RFTN2: variants seen among roughly 807,000 people sequenced by gnomAD.
RFTN2 encodes raftlin-2.
RFTN2 carries 34 observed loss-of-function variants against 52.7 expected under a neutral mutation model. The ratio of observed to expected loss-of-function variants is 0.64; its 90% CI spans 0.49 to 0.86. The LOEUF is 0.86. Among genes scored for constraint, RFTN2 ranks in the 40% least tolerant of loss-of-function variants. The probability of loss-of-function intolerance (pLI) is 0.00; values close to 1 mark genes in which losing one functional copy is unlikely to be tolerated. For synonymous variants in RFTN2, 203 were observed against 217.7 expected (o/e 0.93, Z 0.59); for missense variants, 536 against 600.1 (o/e 0.89, Z 1.12).
At chr2:197,599,763 A>G (rs1559344380) in intron 7 of RFTN2, among the ~76,000 whole-genome samples, 1 of 152,208 alleles carries the variant, frequency 6.6e-6, no homozygotes, top group Non-Finnish European at 1.5e-5. Context: ...TACTTCAGTG[A>G]GGCAAGAGCA....
intron 1 of RFTN2, among the ~76,000 whole-genome samples, chr2:197,664,093 G>T (rs2089017128): frequency 6.6e-6 from 1 of 151,916 alleles, no homozygotes; most frequent in African/African-American, 2.4e-5. Context: ...TTATTTATTT[G>T]TATAGTTTAC....
chr2:197,573,839 C>T (rs2087367019), intron 8 of RFTN2, among the ~76,000 whole-genome samples: 1 of 152,204 alleles, frequency 6.6e-6, no homozygotes, highest in Non-Finnish European at 1.5e-5. Context: ...ATGGGGCCAA[C>T]GTAGAGCTCA....
rs569787384 is a variant in RFTN2, at chr2:197,570,248, T to C, written c.*1760A>G. On this transcript the variant is annotated 3_prime_UTR_variant, in exon 9 of 9. Transcript: ENST00000295049. ...AAAACAAAAACCATTTCTGCAAATA[T>C]TGTTGACAGCTATTGCTATAGAATA... is the stretch of plus-strand genomic sequence containing the variant. 3.9e-5 allele frequency: 6 copies of C among 152,198 alleles called. No individual in the cohort carries two copies. Among genetic ancestry groups the C allele is most frequent in the Admixed American group, 1.3e-4 (2 of 15,266 alleles). The allele number at this position is 152,198 out of a possible 1,614,324, so 9.4% of individuals were successfully genotyped here. A position where few individuals can be genotyped will look rare whatever the true frequency, so the allele number is the denominator to read the frequency against.
intron 5 of RFTN2, among the ~76,000 whole-genome samples, chr2:197,618,186 C>A (rs892898584): frequency 2.0e-5 from 3 of 151,726 alleles, no homozygotes; most frequent in African/African-American, 7.2e-5. Context: ...AACCTCCCTG[C>A]CTGATTCTCC....
intron 8 of RFTN2, among the ~76,000 whole-genome samples, chr2:197,591,206 G>C (rs2087707396): frequency 6.6e-6 from 1 of 152,182 alleles, no homozygotes; most frequent in Non-Finnish European, 1.5e-5. Flanking sequence ...TAGACACAGA[G>C]TGCTGATTGG....
chr2:197,629,673 T>TACACACACACACAC (rs1319088128), intron 5 of RFTN2, among the ~76,000 whole-genome samples: 1 of 73,920 alleles, frequency 1.4e-5, no homozygotes, highest in African/African-American at 7.5e-5. Context: ...TTTTAATTTT[T>TACACACACACACAC]ATACACACAC....
At chr2:197,623,285 A>G (rs1444361241) in intron 5 of RFTN2, among the ~76,000 whole-genome samples, 2 of 152,182 alleles carry the variant, frequency 1.3e-5, no homozygotes, top group African/African-American at 2.4e-5. Context: ...GTTGACTCCA[A>G]TTTTCATGGA....
At chr2:197,640,306 G>C (rs956766028) in intron 3 of RFTN2, among the ~76,000 whole-genome samples, 3 of 152,158 alleles carry the variant, frequency 2.0e-5, no homozygotes, top group African/African-American at 7.3e-5. Context: ...AAGGAAGCCT[G>C]GGCAATGGCG....
At chr2:197,585,357 T>A (rs1183232383) in intron 8 of RFTN2, among the ~76,000 whole-genome samples, 1 of 152,206 alleles carries the variant, frequency 6.6e-6, no homozygotes, top group African/African-American at 2.4e-5. Context: ...TGCCCTGCCC[T>A]TGTTTACACT....
chr2:197,661,231 TA>T (rs1220944130), intron 1 of RFTN2, among the ~76,000 whole-genome samples: 2 of 90,046 alleles, frequency 2.2e-5, no homozygotes, highest in African/African-American at 4.8e-5. Context: ...TAATTTAATT[TA>T]ATTTTTTTTT....
chr2:197,646,345 T>C, intron 2 of RFTN2, 138 bp downstream of exon 2: 1 of 610,438 alleles, frequency 1.6e-6, no homozygotes, highest in South Asian at 2.9e-5. Flanking sequence ...TCAATCCAGG[T>C]TCCACTGCTG....
chr2:197,666,507 T>C lies in RFTN2; in HGVS notation c.139+8813A>G, dbSNP rs367997710. Among the ~76,000 whole-genome samples the C allele has an allele frequency of 1.3e-3, 198 of 152,356 alleles. 6 individuals carry two copies. In the South Asian group the frequency reaches 0.04, roughly 31 times the overall value. On this transcript the variant is annotated intron_variant, in intron 1 of 8. Transcript: ENST00000295049. Reference sequence around the variant, plus strand: ...AAAGTTTCTGCTGAGAAATCTGCTGTTATTCTGATGGAGGTTCTTTTATAG... The same window carrying C: ...AAAGTTTCTGCTGAGAAATCTGCTGCTATTCTGATGGAGGTTCTTTTATAG...
At chr2:197,618,243 G>C (rs1337644416) in intron 5 of RFTN2, among the ~76,000 whole-genome samples, 1 of 152,058 alleles carries the variant, frequency 6.6e-6, no homozygotes, top group African/African-American at 2.4e-5. Context: ...GCGCCGCCAC[G>C]CCTGACTGGT....
intron 1 of RFTN2, among the ~76,000 whole-genome samples, chr2:197,661,276 G>A (rs1431913794): frequency 6.6e-6 from 1 of 151,364 alleles, no homozygotes; most frequent in Non-Finnish European, 1.5e-5. Context: ...TGTTGCCGAG[G>A]CTGGAGTGCA....
intron 7 of RFTN2, among the ~76,000 whole-genome samples, chr2:197,605,500 C>A (rs1036255469): frequency 6.6e-6 from 1 of 152,096 alleles, no homozygotes; most frequent in African/African-American, 2.4e-5. Context: ...CAGGCGTGAG[C>A]CACCGCGCCT....
chr2:197,666,329 G>A (rs977147870), intron 1 of RFTN2, among the ~76,000 whole-genome samples: 9 of 152,266 alleles, frequency 5.9e-5, no homozygotes, highest in African/African-American at 2.2e-4. Context: ...AAGTGCCTTG[G>A]CCTCCCAAAG....
chr2:197,664,309 CA>C (rs1028608374), intron 1 of RFTN2, among the ~76,000 whole-genome samples: 4 of 148,858 alleles, frequency 2.7e-5, no homozygotes, highest in East Asian at 4.0e-4. Flanking sequence ...CCAGTCTCTA[CA>C]AAAAAAAATT....
intron 1 of RFTN2, 108 bp from the exon 2 acceptor site, chr2:197,646,774 G>A: frequency 1.2e-6 from 1 of 868,936 alleles, no homozygotes; most frequent in South Asian, 1.8e-5. Flanking sequence ...TCTTGGCCGG[G>A]TGCAATGGCA....
At chr2:197,584,800 A>G (rs2087569881) in intron 8 of RFTN2, among the ~76,000 whole-genome samples, 1 of 152,166 alleles carries the variant, frequency 6.6e-6, no homozygotes, top group South Asian at 2.1e-4. Flanking sequence ...ACCTCATCCC[A>G]GACACCAGTC....
Sources: gnomAD v4.1 joint callset for allele counts (sites outside exome capture counted in the v4.1 genomes callset) on GRCh38, gnomAD v4.1.1 for gene constraint, MANE v1.5 for transcripts, NCBI Gene and HGNC (gene_info 2026-07-23, HGNC 2026-07-21) for gene names.